Variants in PTPRG observed in about 807,000 individuals in gnomAD.
The protein encoded by PTPRG is protein tyrosine phosphatase receptor type G.
In PTPRG, 102 loss-of-function variants were observed where a neutral mutation model predicts 165.3. The ratio of observed to expected loss-of-function variants is 0.62; its 90% CI spans 0.53 to 0.73. The LOEUF is 0.73. PTPRG is among the 30% of genes least tolerant of loss of function. The pLI is 0.00. For synonymous variants in PTPRG, 675 were observed against 669.5 expected, an observed-to-expected ratio of 1.01 and a Z score of -0.13; for missense variants, 1,866 against 1,861.4, an observed-to-expected ratio of 1.00 and a Z score of -0.05.
intron 2 of PTPRG, among the ~76,000 whole-genome samples, chr3:61,979,899 G>A (rs2040599218): frequency 6.6e-6 from 1 of 152,012 alleles, no homozygotes; most frequent in Admixed American, 6.6e-5. Flanking sequence ...CTGTGCTGTT[G>A]AGTGAGTGCC....
At chr3:61,645,449 G>A (rs113203538) in intron 1 of PTPRG, among the ~76,000 whole-genome samples, 317 of 152,276 alleles carry the variant, frequency 2.1e-3, no homozygotes, top group Admixed American at 4.0e-3. Context: ...CATGTGACCC[G>A]GGCTCCACCA....
intron 2 of PTPRG, among the ~76,000 whole-genome samples, chr3:61,915,199 A>C (rs2038904817): frequency 6.6e-6 from 1 of 152,262 alleles, no homozygotes; most frequent in African/African-American, 2.4e-5. Context: ...ACTGCACTCC[A>C]GCCTGGGCAA....
At chr3:62,289,699 C>A (rs1702806208) in intron 28 of PTPRG, among the ~76,000 whole-genome samples, 2 of 26,222 alleles carry the variant, frequency 7.6e-5, no homozygotes, top group African/African-American at 8.2e-5. Flanking sequence ...CATTCATGAT[C>A]CCCCCCCCCC....
intron 3 of PTPRG, among the ~76,000 whole-genome samples, chr3:61,990,217 G>T (rs200656018): frequency 1.3e-5 from 2 of 151,960 alleles, no homozygotes; most frequent in African/African-American, 4.8e-5. Flanking sequence ...TACATTTCAC[G>T]TGCTTATCTG....
intron 4 of PTPRG, among the ~76,000 whole-genome samples, chr3:62,069,448 T>C (rs1011342370): frequency 6.6e-6 from 1 of 152,134 alleles, no homozygotes; most frequent in Non-Finnish European, 1.5e-5. Flanking sequence ...TAGAAGCCTG[T>C]TAGAAAGAAG....
chr3:61,571,220 TGAA>T (rs1417365134), intron 1 of PTPRG, among the ~76,000 whole-genome samples: 18 of 152,284 alleles, frequency 1.2e-4, no homozygotes, highest in African/African-American at 4.3e-4. Context: ...AAACTAAAGT[TGAA>T]GAAGGTAGGT....
chr3:61,568,854 G>A (rs1444269007), intron 1 of PTPRG, among the ~76,000 whole-genome samples: 2 of 151,482 alleles, frequency 1.3e-5, no homozygotes, highest in African/African-American at 4.9e-5. Flanking sequence ...GTTGCAGTGA[G>A]TTGAGATTGC....
chr3:62,106,073 T>A lies in PTPRG; in HGVS notation c.616-26529T>A, dbSNP rs1275996405. 2.0e-5 allele frequency among the ~76,000 whole-genome samples: 3 copies of A among 152,210 alleles called. No homozygotes were observed. The East Asian group carries it at 5.8e-4, about 29-fold the overall frequency. On this transcript the variant is annotated intron_variant, in intron 5 of 29. Transcript: ENST00000474889. ...TCATCTAGAAATGAAGTTCCTAAAT[T>A]TTATTTTCATGGTGACCTTACTAAT...
intron 4 of PTPRG, among the ~76,000 whole-genome samples, chr3:62,025,467 A>G (rs998510538): frequency 6.6e-5 from 10 of 152,038 alleles, no homozygotes; most frequent in Non-Finnish European, 1.3e-4. Flanking sequence ...TTTGATGACT[A>G]CTTTTCTTAT....
rs2034946019 is a variant in PTPRG at position 61,793,341 on chromosome 3, A to G, written c.190+44359A>G. On this transcript the variant is annotated intron_variant, in intron 2 of 29. Transcript: ENST00000474889. ...GGTTATGTGTCTCAAAGCAAGGCTA[A>G]TGAGCATCTTTTCTGAGTTTGCTAG... 3.3e-5 allele frequency among the ~76,000 whole-genome samples: 5 copies of G among 152,296 alleles called. No homozygotes were observed. The South Asian group carries it at 1.0e-3, about 32-fold the overall frequency.
chr3:61,877,669 A>G (rs1346077045), intron 2 of PTPRG, among the ~76,000 whole-genome samples: 1 of 152,268 alleles, frequency 6.6e-6, no homozygotes, highest in Non-Finnish European at 1.5e-5. Flanking sequence ...ACGTGTTTGC[A>G]TGCAGAAGCT....
intron 2 of PTPRG, among the ~76,000 whole-genome samples, chr3:61,857,783 A>G (rs978860654): frequency 6.6e-6 from 1 of 152,126 alleles, no homozygotes; most frequent in Non-Finnish European, 1.5e-5. Flanking sequence ...TTTTTTCTGC[A>G]ATCAAATATG....
At chr3:61,924,504 T>C (rs149065031) in intron 2 of PTPRG, among the ~76,000 whole-genome samples, 3 of 152,356 alleles carry the variant, frequency 2.0e-5, no homozygotes, top group Non-Finnish European at 4.4e-5. Context: ...TTAAAAAGTA[T>C]GAGCTTAATT....
chr3:61,747,419 G>T (rs1246331441), intron 1 of PTPRG, among the ~76,000 whole-genome samples: 5 of 152,206 alleles, frequency 3.3e-5, no homozygotes, highest in Non-Finnish European at 7.3e-5. Context: ...CTTGAAAAAT[G>T]AGTGGAAGCT....
Position 62,136,966 on chromosome 3 carries a change from A to T in PTPRG, c.682+4298A>T, listed in dbSNP as rs114170084. Among the ~76,000 whole-genome samples the T allele has an allele frequency of 8.4e-3, 1,284 of 152,236 alleles. 7 individuals are homozygous for T. The highest frequency in any genetic ancestry group is 0.041 in the Middle Eastern group (12 of 294). On this transcript the variant is annotated intron_variant, in intron 6 of 29. Transcript: ENST00000474889. ...CACCCTAGAAACCTCTTGACCACATAAAGTGCTGTGTCTTACATGTTCATT... is the reference window on the plus strand; with the variant it reads ...CACCCTAGAAACCTCTTGACCACATTAAGTGCTGTGTCTTACATGTTCATT...
At chr3:61,883,973 T>C (rs2037960463) in intron 2 of PTPRG, among the ~76,000 whole-genome samples, 1 of 152,174 alleles carries the variant, frequency 6.6e-6, no homozygotes, top group African/African-American at 2.4e-5. Context: ...ACCTTGGCCT[T>C]CCGAAGTGTT....
intron 26 of PTPRG, among the ~76,000 whole-genome samples, chr3:62,279,413 A>G (rs1702350553): frequency 6.6e-6 from 1 of 152,044 alleles, no homozygotes; most frequent in Non-Finnish European, 1.5e-5. Flanking sequence ...CCTTTAAGCT[A>G]GTTAATTTAC....
intron 28 of PTPRG, among the ~76,000 whole-genome samples, chr3:62,291,494 A>G (rs1335559598): frequency 6.6e-6 from 1 of 152,126 alleles, no homozygotes; most frequent in Non-Finnish European, 1.5e-5. Flanking sequence ...TACACGTGTA[A>G]TAATTTTTAC....
chr3:61,597,267 C>G (rs1205220327), intron 1 of PTPRG, among the ~76,000 whole-genome samples: 1 of 152,160 alleles, frequency 6.6e-6, no homozygotes, highest in East Asian at 1.9e-4. Flanking sequence ...GCGACAGATT[C>G]AGACCATACT....
Sources: gnomAD v4.1 joint callset for allele counts (sites outside exome capture counted in the v4.1 genomes callset) on GRCh38, gnomAD v4.1.1 for gene constraint, MANE v1.5 for transcripts, NCBI Gene and HGNC (gene_info 2026-07-23, HGNC 2026-07-21) for gene names.